Variants in DIS3 observed in about 807,000 individuals in gnomAD.
The protein encoded by DIS3 is exosome complex exonuclease RRP44.
In DIS3, 103 loss-of-function variants were observed where a neutral mutation model predicts 113.0. That is an observed-to-expected ratio of 0.91 (90% CI 0.78 to 1.07). DIS3 has a LOEUF of 1.07. Among genes scored for constraint, DIS3 ranks in the 50% least tolerant of loss-of-function variants. The pLI, the probability that DIS3 is intolerant of heterozygous loss-of-function variation, is 0.00. For missense variants in DIS3, 1,121 were observed against 1,167.1 expected (o/e 0.96, Z 0.58); for synonymous variants, 402 against 394.3 (o/e 1.02, Z -0.23).
intron 20 of DIS3, 110 bp downstream of exon 20, chr13:72,760,419 C>G: frequency 7.3e-7 from 1 of 1,368,444 alleles, no homozygotes; most frequent in South Asian, 1.3e-5. Flanking sequence ...GGTTTCTACA[C>G]TACTTACAGG....
Position 72,755,406 on chromosome 13 carries a change from T to C in DIS3, c.*4389A>G. The C allele has an allele frequency of 5.6e-6, 3 of 532,602 alleles. No homozygotes were observed. The highest frequency in any genetic ancestry group is 6.6e-6 in the Non-Finnish European group (2 of 301,684). 33.0% of individuals were successfully genotyped at this position (532,602 alleles called of 1,614,324 possible). On this transcript the variant is annotated 3_prime_UTR_variant, in exon 21 of 21. Transcript: ENST00000377767. ...AAATGCTCCTGGAACTTCAAGTTGC[T>C]GAATTATAAGTTTATTTTTTATCAA... is the stretch of plus-strand genomic sequence containing the variant.
Position 72,753,974 on chromosome 13 carries a change from A to AT in DIS3, c.*5820dup. The AT allele has an allele frequency of 1.3e-6, 1 of 797,854 alleles. No individual in the cohort carries two copies. The highest frequency in any genetic ancestry group is 1.9e-6 in the Non-Finnish European group (1 of 524,314). The allele number at this position is 797,854 out of a possible 1,614,324, so 49.4% of individuals were successfully genotyped here. ...TCTTAACATCCAATAACCTTTAAAT[A>AT]TTTTGGTTACTCTGAATACACAAGT... On this transcript the variant is annotated 3_prime_UTR_variant, in exon 21 of 21. Coordinates refer to ENST00000377767, the MANE Select transcript of DIS3 (RefSeq NM_014953.5).
intron 1 of DIS3, 148 bp from the exon 2 acceptor site, chr13:72,781,151 C>T (rs1400328987): frequency 2.9e-6 from 4 of 1,360,494 alleles, no homozygotes; most frequent in Admixed American, 2.2e-5. Flanking sequence ...CTATAGAAAA[C>T]GAGACAATAG....
rs745945293 is a variant in DIS3, at chr13:72,759,756, A to G, written c.*39T>C. The G allele has an allele frequency of 6.4e-6, 10 of 1,550,632 alleles. No homozygotes were observed. Among genetic ancestry groups the G allele is most frequent in the Non-Finnish European group, 1.8e-6 (2 of 1,133,468 alleles). On this transcript the variant is annotated 3_prime_UTR_variant, in exon 21 of 21. Coordinates refer to ENST00000377767, the MANE Select transcript of DIS3 (RefSeq NM_014953.5). Reference sequence around the variant, plus strand: ...GTGTTCTTTCAAGTTTTTTCTTTTAAAAAAGAAACCAGTCTTTGAAGATTT... The same window carrying G: ...GTGTTCTTTCAAGTTTTTTCTTTTAGAAAAGAAACCAGTCTTTGAAGATTT...
chr13:72,781,030 C>T, intron 1 of DIS3, 27 bp from the exon 2 acceptor site: 8 of 1,578,852 alleles, frequency 5.1e-6, no homozygotes, highest in South Asian at 3.5e-5. Flanking sequence ...GTTAATTTTT[C>T]CTATATTCAT....
rs578161785 is a variant in DIS3 at position 72,758,848 on chromosome 13, A to G, written c.*947T>C. On this transcript the variant is annotated 3_prime_UTR_variant, in exon 21 of 21. Coordinates refer to ENST00000377767, the MANE Select transcript of DIS3 (RefSeq NM_014953.5). ...GCTTTAGAAATTGAATAAGCCAAGT[A>G]AAATGTTTTAAGGCAACCCTATCCC... 5.3e-6 allele frequency: 1 copy of G among 188,554 alleles called. No individual in the cohort carries two copies. The highest frequency in any genetic ancestry group is 6.2e-5 in the Admixed American group (1 of 16,204). 11.7% of individuals were successfully genotyped at this position (188,554 alleles called of 1,614,324 possible). A position where few individuals can be genotyped will look rare whatever the true frequency, so the allele number is the denominator to read the frequency against.
chr13:72,775,879 A>C, intron 5 of DIS3, 46 bp downstream of exon 5: 2 of 1,454,098 alleles, frequency 1.4e-6, no homozygotes, highest in Non-Finnish European at 1.9e-6. Flanking sequence ...AATATATAAA[A>C]TATCATCTTT....
In DIS3 at chr13:72,781,029, T is replaced by C. The variant is rs76085129; in HGVS notation, c.229-26A>G. On this transcript the variant is annotated intron_variant, in intron 1 of 20. Coordinates refer to ENST00000377767, the MANE Select transcript of DIS3 (RefSeq NM_014953.5). The stretch of plus-strand genomic sequence containing the variant: ...CTTAAAGAAAGATAAAGTTAATTTT[T>C]CCTATATTCATTTGTAAATAGCTCT... 1,392 of 1,580,732 alleles carry C rather than the reference T, an allele frequency of 8.8e-4. 12 individuals are homozygous for C. The African/African-American group carries it at 0.017, about 19-fold the overall frequency.
Position 72,768,791 on chromosome 13 carries a change from T to C in DIS3, c.1877A>G (p.Glu626Gly), listed in dbSNP as rs1187758924. ...LAKILKKRRI[E>G]KGALTLSSPE... The stretch of plus-strand genomic sequence containing the variant: ...TATGAAAAACAAAATATACCCTTTT[T>C]CAATCCTTCTTTTCTTCAGAATTTT... Residue 626 changes from glutamate to glycine, a missense_variant, in exon 14 of 21, where the codon GAA (glutamate) becomes GGA (glycine). Coordinates refer to ENST00000377767, the MANE Select transcript of DIS3 (RefSeq NM_014953.5). 3 of 1,598,112 alleles carry C rather than the reference T, an allele frequency of 1.9e-6. No homozygotes were observed. The Admixed American group carries it at 5.2e-5, about 28-fold the overall frequency.
chr13:72,753,899 A>C lies in DIS3; in HGVS notation c.*5896T>G. The stretch of plus-strand genomic sequence containing the variant: ...ATAATTTTGATTATTAGACAATAGT[A>C]CTATTGAGAAACTATATGAAATTTA... On this transcript the variant is annotated 3_prime_UTR_variant, in exon 21 of 21. Transcript: ENST00000377767. 1 of 1,328,900 alleles carries C rather than the reference A, an allele frequency of 7.5e-7. No homozygotes were observed. Among genetic ancestry groups the C allele is most frequent in the Non-Finnish European group, 1.0e-6 (1 of 967,588 alleles). 82.3% of individuals were successfully genotyped at this position (1,328,900 alleles called of 1,614,324 possible).
At chr13:72,773,564 A>G in intron 8 of DIS3, 120 bp downstream of exon 8, 4 of 1,148,920 alleles carry the variant, frequency 3.5e-6, no homozygotes, top group South Asian at 1.7e-5. Flanking sequence ...ACTTTGTGAA[A>G]TATCTCTAAA....
chr13:72,761,870 A>G (rs370040400), intron 17 of DIS3, 53 bp downstream of exon 17: 130 of 1,611,908 alleles, frequency 8.1e-5, no homozygotes, highest in Admixed American at 6.7e-4. Context: ...TGTGCTTTTA[A>G]AATTCAAAAT....
intron 2 of DIS3, 121 bp from the exon 3 acceptor site, chr13:72,778,501 T>C: frequency 2.9e-6 from 2 of 682,316 alleles, no homozygotes; most frequent in Non-Finnish European, 4.5e-6. Context: ...TCTTTTCTCT[T>C]GAATGTATTC....
At position 72,771,088 on chromosome 13, in the gene DIS3, C is replaced by T. The variant is rs1162786323; in HGVS notation, c.1663G>A (p.Val555Met). The change falls in exon 12 of 21, where the codon GTG becomes ATG. Residue 555 changes from valine (V) to methionine (M), a missense_variant. Physicochemically the swap from Val to Met is conservative, Grantham distance 21 (BLOSUM62 1). Around this residue, in one of 3 missense-constraint regions of DIS3, gnomAD observed 861 missense variants for 915.5 expected, o/e 0.94. Coordinates refer to ENST00000377767, the MANE Select transcript of DIS3 (RefSeq NM_014953.5). ...AAAACCATGCAGAAATACCTGTCCA[C>T]GTCACATTTTAAGGAACACAAGTTA... ...SSNLCSLKCD[V>M]DRLAFSCIWE... 8.1e-6 allele frequency: 13 copies of T among 1,613,404 alleles called. No homozygotes were observed. The highest frequency in any genetic ancestry group is 4.5e-5 in the East Asian group (2 of 44,782).
chr13:72,781,751 C>T lies in DIS3; in HGVS notation c.82G>A (p.Asp28Asn), dbSNP rs548451387. The T allele has an allele frequency of 6.9e-6, 11 of 1,598,952 alleles. No homozygotes were observed. In the South Asian group the frequency reaches 1.0e-4, roughly 15 times the overall value. ...CACCCGGGCGCACCGCAGCCGATGTCGTCTCGCAGGTAGTGCTCGCGCACG... is the reference window on the plus strand; with the variant it reads ...CACCCGGGCGCACCGCAGCCGATGTTGTCTCGCAGGTAGTGCTCGCGCACG... ...KIVREHYLRD[D>N]IGCGAPGCAA... The change falls in exon 1 of 21, where the codon GAC becomes AAC. Residue 28 changes from aspartate (D) to asparagine (N), a missense_variant. By Grantham distance (23) the Asp-to-Asn change is conservative. Coordinates refer to ENST00000377767, the MANE Select transcript of DIS3 (RefSeq NM_014953.5).
Position 72,772,770 on chromosome 13 carries a change from G to T in DIS3, c.1309C>A (p.His437Asn), listed in dbSNP as rs1426756032. Residue 437 changes from histidine (H) to asparagine (N), a missense_variant, in exon 9 of 21, where the codon CAC (histidine) becomes AAC (asparagine). This residue lies in a region of DIS3 where 861 missense variants were observed against 915.5 expected (regional missense o/e 0.94). Coordinates refer to ENST00000377767, the MANE Select transcript of DIS3 (RefSeq NM_014953.5). ...GAAAAAGGCTGATGGGGAACATCGT[G>T]TTCAAGTAACAAAACTTCTGTTTCA... ...ETETEVLLLE[H>N]DVPHQPFSQA... The T allele has an allele frequency of 6.2e-7, 1 of 1,613,310 alleles. No homozygotes were observed. Among genetic ancestry groups the T allele is most frequent in the African/African-American group, 1.3e-5 (1 of 74,966 alleles).
At chr13:72,780,605 T>C in intron 2 of DIS3, among the ~76,000 whole-genome samples, 1 of 152,226 alleles carries the variant, frequency 6.6e-6, no homozygotes, top group Middle Eastern at 3.4e-3. Context: ...TTTTGGAAAT[T>C]AAAGTACCTA....
chr13:72,772,511 AACTT>A (rs1253718152), intron 9 of DIS3, among the ~76,000 whole-genome samples, 178 bp downstream of exon 9: 1 of 152,148 alleles, frequency 6.6e-6, no homozygotes, highest in Non-Finnish European at 1.5e-5. Context: ...CACATAGAAA[AACTT>A]ACCCTTCAAT....
intron 16 of DIS3, 152 bp from the exon 17 acceptor site, chr13:72,762,289 TG>T: frequency 1.5e-6 from 1 of 687,472 alleles, no homozygotes; most frequent in Non-Finnish European, 2.4e-6. Context: ...GAAACAAAAC[TG>T]TACTGGTCAC....
Sources: allele counts gnomAD v4.1 joint callset (sites outside exome capture counted in the v4.1 genomes callset), GRCh38; gene constraint gnomAD v4.1.1; regional missense constraint gnomAD v4.1.1; transcripts MANE v1.5; gene names NCBI Gene and HGNC (gene_info 2026-07-23, HGNC 2026-07-21).